The following RPH3A variants were observed in gnomAD, a reference collection of about 807,000 sequenced individuals.
The protein encoded by RPH3A is rabphilin 3A, also known as rabphilin-3A.
A neutral mutation model predicts 102.2 loss-of-function variants in RPH3A; 48 were observed. That is an observed-to-expected ratio of 0.47 (90% confidence interval 0.37 to 0.60). The LOEUF is 0.60. Among genes scored for constraint, RPH3A ranks in the 20% least tolerant of loss-of-function variants. The pLI is 0.00. For missense variants in RPH3A, 781 were observed against 910.1 expected (o/e 0.86, Z 1.83); for synonymous variants, 310 against 324.3 (o/e 0.96, Z 0.47).
At chr12:112,881,925 A>C (rs941406420) in intron 15 of RPH3A, 79 bp downstream of exon 15, 34 of 1,140,152 alleles carry the variant, frequency 3.0e-5, no homozygotes, top group Non-Finnish European at 4.1e-5. Context: ...CTCAGAGCCC[A>C]AAATAGCCTT....
intron 8 of RPH3A, 144 bp downstream of exon 8, chr12:112,868,739 T>A (rs2042655320): frequency 1.2e-6 from 1 of 809,736 alleles, no homozygotes; most frequent in African/African-American, 1.7e-5. Context: ...GACTCCTATA[T>A]CTCCTTCAGA....
chr12:112,742,644 T>C (rs2040717706), intron 1 of RPH3A, among the ~76,000 whole-genome samples: 1 of 152,172 alleles, frequency 6.6e-6, no homozygotes, highest in African/African-American at 2.4e-5. Flanking sequence ...CTGGGGCTGC[T>C]GTCAGGGCTG....
intron 5 of RPH3A, among the ~76,000 whole-genome samples, chr12:112,864,215 G>A (rs2042569316): frequency 6.6e-6 from 1 of 152,208 alleles, no homozygotes; most frequent in African/African-American, 2.4e-5. Flanking sequence ...CATTTTGGGA[G>A]GCCAAGGCAG....
intron 1 of RPH3A, among the ~76,000 whole-genome samples, chr12:112,741,776 A>C (rs1714532401): frequency 6.6e-6 from 1 of 152,176 alleles, no homozygotes; most frequent in African/African-American, 2.4e-5. Context: ...TACAGCACAC[A>C]GGCCCCCCAT....
intron 8 of RPH3A, chr12:112,869,495 C>A (rs930263342): frequency 2.1e-5 from 9 of 419,678 alleles, no homozygotes; most frequent in Admixed American, 4.1e-5. Flanking sequence ...CTCCTTCTTC[C>A]TAGTTCTTCT....
intron 1 of RPH3A, among the ~76,000 whole-genome samples, chr12:112,596,525 A>T (rs554647101): frequency 6.6e-6 from 1 of 152,274 alleles, no homozygotes; most frequent in South Asian, 2.1e-4. Context: ...TTCATTGTAA[A>T]TCGGGTGACT....
intron 1 of RPH3A, among the ~76,000 whole-genome samples, chr12:112,727,053 A>G (rs2040595805): frequency 6.6e-6 from 1 of 152,194 alleles, no homozygotes; most frequent in South Asian, 2.1e-4. Flanking sequence ...AAATAAATAA[A>G]TAAAATAAAA....
At chr12:112,621,007 A>ATTTTTTTT (rs200365954) in intron 1 of RPH3A, among the ~76,000 whole-genome samples, 1 of 141,970 alleles carries the variant, frequency 7.0e-6, no homozygotes. Context: ...TTTTAACATT[A>ATTTTTTTT]TTATTTTTTT....
upstream of RPH3A, among the ~76,000 whole-genome samples, chr12:112,787,573 C>G (rs1716735262): frequency 6.6e-6 from 1 of 152,096 alleles, no homozygotes; most frequent in Non-Finnish European, 1.5e-5. Context: ...GCACCTGCCC[C>G]CTGCAAAAGG....
rs77820651 is a variant in RPH3A, at chr12:112,720,461, A to G, written c.-139-71682A>G. ...GTAGCTCTTGCTAAATTAAAAGAAC[A>G]AGATTTTCCTTCCAGTTTTAATGAA... is the stretch of plus-strand genomic sequence containing the variant. On this transcript the variant is annotated intron_variant, in intron 1 of 21. Coordinates refer to the RPH3A transcript ENST00000543106. 2.6e-5 allele frequency among the ~76,000 whole-genome samples: 4 copies of G among 152,364 alleles called. No homozygotes were observed. The East Asian group carries it at 7.7e-4, about 29-fold the overall frequency.
intron 2 of RPH3A, among the ~76,000 whole-genome samples, chr12:112,793,448 G>C (rs1458426965): frequency 1.3e-5 from 2 of 152,216 alleles, no homozygotes; most frequent in African/African-American, 4.8e-5. Flanking sequence ...TGAAATATAA[G>C]CAGGGTTCAC....
chr12:112,662,138 T>C (rs1257297009), intron 1 of RPH3A, among the ~76,000 whole-genome samples: 1 of 152,196 alleles, frequency 6.6e-6, no homozygotes, highest in East Asian at 1.9e-4. Context: ...TTGCTTTCTT[T>C]GGGTTTTGAT....
At chr12:112,885,409 C>T (rs974093676) in intron 16 of RPH3A, among the ~76,000 whole-genome samples, 4 of 152,160 alleles carry the variant, frequency 2.6e-5, no homozygotes, top group African/African-American at 7.2e-5. Flanking sequence ...ACTGGTGTTG[C>T]GTTGTGGTTC....
chr12:112,668,790 G>A (rs576239519), intron 1 of RPH3A, among the ~76,000 whole-genome samples: 44 of 152,088 alleles, frequency 2.9e-4, no homozygotes, highest in Admixed American at 2.9e-3. Context: ...AAACCTACAT[G>A]TTCAGCATAT....
At chr12:112,746,888 C>A (rs1281166502) in intron 1 of RPH3A, among the ~76,000 whole-genome samples, 1 of 152,150 alleles carries the variant, frequency 6.6e-6, no homozygotes, top group Non-Finnish European at 1.5e-5. Context: ...TGTGTCCCAG[C>A]CAGGATCAAT....
intron 20 of RPH3A, 165 bp from the exon 21 acceptor site, chr12:112,895,612 C>G (rs1440528236): frequency 1.7e-6 from 1 of 572,298 alleles, no homozygotes; most frequent in Non-Finnish European, 3.2e-6. Flanking sequence ...GGAAGGGGAT[C>G]ACGGGACCTG....
chr12:112,807,211 C>G (rs1450430715), intron 2 of RPH3A, among the ~76,000 whole-genome samples: 1 of 152,024 alleles, frequency 6.6e-6, no homozygotes, highest in Non-Finnish European at 1.5e-5. Context: ...AAAGCCCATC[C>G]TGCCTGCAGT....
At chr12:112,740,585 G>C (rs1366187005) in intron 1 of RPH3A, among the ~76,000 whole-genome samples, 1 of 152,154 alleles carries the variant, frequency 6.6e-6, no homozygotes, top group Non-Finnish European at 1.5e-5. Context: ...AATTTCTTGA[G>C]GTTCCTGAAA....
chr12:112,680,788 T>G (rs2040221193), intron 1 of RPH3A, among the ~76,000 whole-genome samples: 1 of 152,138 alleles, frequency 6.6e-6, no homozygotes, highest in Admixed American at 6.5e-5. Flanking sequence ...ACAACATTCA[T>G]CTCTTTCCCT....
Sources: gnomAD v4.1 joint callset for allele counts (sites outside exome capture counted in the v4.1 genomes callset) on GRCh38, gnomAD v4.1.1 for gene constraint, MANE v1.5 for transcripts, NCBI Gene and HGNC (gene_info 2026-07-23, HGNC 2026-07-21) for gene names.